Variants in GNA14 observed in about 807,000 individuals in gnomAD.
GNA14 encodes the protein guanine nucleotide-binding protein subunit alpha-14.
A neutral mutation model predicts 42.0 loss-of-function variants in GNA14; 50 were observed. The ratio of observed to expected loss-of-function variants is 1.19; its 90% confidence interval spans 0.95 to 1.51. GNA14 has a LOEUF of 1.51. Among genes scored for constraint, GNA14 ranks in the 40% most tolerant of loss-of-function variants. GNA14 has a pLI of 0.00. For synonymous variants in GNA14, 173 were observed against 163.1 expected (o/e 1.06, Z -0.46); for missense variants, 473 against 446.2 (o/e 1.06, Z -0.54).
intron 2 of GNA14, among the ~76,000 whole-genome samples, chr9:77,498,996 T>C (rs1836921052): frequency 6.6e-6 from 1 of 152,206 alleles, no homozygotes; most frequent in African/African-American, 2.4e-5. Context: ...TGGAATTTTC[T>C]GACACTTGGC....
chr9:77,476,623 G>A (rs1032887756), intron 2 of GNA14, among the ~76,000 whole-genome samples: 14 of 152,196 alleles, frequency 9.2e-5, no homozygotes, highest in African/African-American at 3.4e-4. Context: ...TCTCCTGAAG[G>A]CTTAATAAAA....
At chr9:77,431,838 C>T (rs116317847) in intron 3 of GNA14, 1,892 of 181,104 alleles carry the variant, frequency 0.01, 42 homozygotes, top group African/African-American at 0.042. Flanking sequence ...TCCCACTCAC[C>T]CTTGTCCAAG....
At chr9:77,500,696 T>C (rs529207907) in intron 2 of GNA14, among the ~76,000 whole-genome samples, 2 of 152,350 alleles carry the variant, frequency 1.3e-5, no homozygotes, top group Admixed American at 6.5e-5. Flanking sequence ...AATGAAATCA[T>C]ATAGTATGTA....
intron 1 of GNA14, among the ~76,000 whole-genome samples, chr9:77,617,174 G>C (rs1012162365): frequency 6.6e-6 from 1 of 152,078 alleles, no homozygotes; most frequent in Non-Finnish European, 1.5e-5. Context: ...TCGGCCTCTA[G>C]CCACAATGTG....
Position 77,431,454 on chromosome 9 carries a change from A to G in GNA14, c.465-5T>C, listed in dbSNP as rs763308392. ...CGGTCAATGTCAGTCAGGTAACTGT[A>G]TATTAGAGAACGAGGAACTGACTCT... On this transcript the variant is annotated splice_polypyrimidine_tract_variant and splice_region_variant and intron_variant, in intron 3 of 6. Coordinates refer to ENST00000341700, the MANE Select transcript of GNA14 (RefSeq NM_004297.4). The G allele has an allele frequency of 2.9e-5, 47 of 1,599,720 alleles. No homozygotes were observed. Among genetic ancestry groups the G allele is most frequent in the Non-Finnish European group, 3.8e-5 (44 of 1,169,592 alleles).
chr9:77,433,738 G>A (rs1233943706), intron 3 of GNA14, among the ~76,000 whole-genome samples: 1 of 152,168 alleles, frequency 6.6e-6, no homozygotes, highest in Admixed American at 6.5e-5. Flanking sequence ...TACCTTCAAG[G>A]ATTAATGAAT....
chr9:77,448,052 C>CT (rs1260364014), intron 2 of GNA14, among the ~76,000 whole-genome samples: 2 of 152,208 alleles, frequency 1.3e-5, no homozygotes. Flanking sequence ...TAAACTGCAG[C>CT]TGATGGGCCA....
At chr9:77,478,033 T>TC (rs1340715001) in intron 2 of GNA14, among the ~76,000 whole-genome samples, 2 of 151,276 alleles carry the variant, frequency 1.3e-5, no homozygotes, top group African/African-American at 4.9e-5. Context: ...AAGGTGTCTT[T>TC]TTTTTTTTTA....
intron 2 of GNA14, among the ~76,000 whole-genome samples, chr9:77,458,906 G>GGT (rs1347539059): frequency 8.8e-6 from 1 of 113,014 alleles, no homozygotes; most frequent in Non-Finnish European, 2.0e-5. Flanking sequence ...CAAGCTGGAG[G>GGT]GGGGGGGGTT....
intron 1 of GNA14, among the ~76,000 whole-genome samples, chr9:77,566,896 A>G (rs769486354): frequency 2.0e-5 from 3 of 152,140 alleles, no homozygotes; most frequent in Non-Finnish European, 2.9e-5. Context: ...GTGAACTTCA[A>G]TAGTCTCAAA....
intron 2 of GNA14, among the ~76,000 whole-genome samples, chr9:77,452,444 A>G (rs958526862): frequency 6.6e-6 from 1 of 151,932 alleles, no homozygotes; most frequent in Non-Finnish European, 1.5e-5. Flanking sequence ...CTACTCTACA[A>G]AACGTGGTAC....
chr9:77,634,452 A>AT (rs1824148644), intron 1 of GNA14, among the ~76,000 whole-genome samples: 1 of 149,012 alleles, frequency 6.7e-6, no homozygotes, highest in Admixed American at 6.7e-5. Flanking sequence ...AGGAAGCGAA[A>AT]GGAAAGGAAA....
intron 2 of GNA14, among the ~76,000 whole-genome samples, chr9:77,449,970 A>G (rs1835878676): frequency 6.6e-6 from 1 of 152,104 alleles, no homozygotes; most frequent in African/African-American, 2.4e-5. Context: ...CTTAGAAACA[A>G]AGAGAACATG....
chr9:77,431,524 A>AC lies in GNA14; in HGVS notation c.465-76dup, dbSNP rs1011300396. 10 of 1,378,038 alleles carry AC rather than the reference A, an allele frequency of 7.3e-6. No homozygotes were observed. The African/African-American group carries it at 9.9e-5, about 14-fold the overall frequency. The allele number at this position is 1,378,038 out of a possible 1,614,324, so 85.4% of individuals were successfully genotyped here. ...ATGTCCATCCTACTCAAAGGAAGTC[A>AC]CCCCCCACTCACAGTGAGCCCCACA... On this transcript the variant is annotated intron_variant, in intron 3 of 6. Coordinates refer to ENST00000341700, the MANE Select transcript of GNA14 (RefSeq NM_004297.4).
chr9:77,525,740 G>A (rs750254156), intron 2 of GNA14, among the ~76,000 whole-genome samples: 40 of 151,298 alleles, frequency 2.6e-4, no homozygotes, highest in Non-Finnish European at 4.3e-4. Flanking sequence ...GGGTTTCACC[G>A]CGTTAGCCAG....
At position 77,495,741 on chromosome 9, in the gene GNA14, T is replaced by C. The variant is rs187912984; in HGVS notation, c.309+33328A>G. ...CCTTCAGGAACCCTGAGAAATTCAC[T>C]ACACACATAGTTTACAGAAGGAAGC... On this transcript the variant is annotated intron_variant, in intron 2 of 6. Coordinates refer to ENST00000341700, the MANE Select transcript of GNA14 (RefSeq NM_004297.4). Among the ~76,000 whole-genome samples the C allele has an allele frequency of 3.8e-3, 586 of 152,318 alleles. 5 individuals are homozygous for C. The highest frequency in any genetic ancestry group is 6.8e-3 in the Middle Eastern group (2 of 294).
intron 2 of GNA14, among the ~76,000 whole-genome samples, chr9:77,516,932 T>C (rs1202663657): frequency 6.6e-6 from 1 of 152,104 alleles, no homozygotes; most frequent in Non-Finnish European, 1.5e-5. Context: ...AAGAACAGGC[T>C]CTTGATTTCC....
rs150824912 is a variant in GNA14, at chr9:77,430,532, T to A, written c.593+789A>T. On this transcript the variant is annotated intron_variant, in intron 4 of 6. Transcript: ENST00000341700. ...GATATGCTAATATAGATGGGGGACA[T>A]GTTTGAGGGGCTGGACCTGAGGGCT... Among the ~76,000 whole-genome samples, 4 of 152,220 alleles carry A rather than the reference T, an allele frequency of 2.6e-5. No homozygotes were observed. The East Asian group carries it at 7.7e-4, about 29-fold the overall frequency.
chr9:77,577,910 C>T lies in GNA14; in HGVS notation c.125-48657G>A, dbSNP rs147430157. ...ATTACTGCAGTATGAAGATACTCAT[C>T]ATCAGAACCCACAGACAATAGGTCA... On this transcript the variant is annotated intron_variant, in intron 1 of 6. Coordinates refer to ENST00000341700, the MANE Select transcript of GNA14 (RefSeq NM_004297.4). Among the ~76,000 whole-genome samples the T allele has an allele frequency of 7.2e-4, 110 of 152,198 alleles. 1 individual carries two copies. In the East Asian group the frequency reaches 0.017, roughly 24 times the overall value.
Sources: gnomAD v4.1 joint callset for allele counts (sites outside exome capture counted in the v4.1 genomes callset) on GRCh38, gnomAD v4.1.1 for gene constraint, MANE v1.5 for transcripts, NCBI Gene and HGNC (gene_info 2026-07-23, HGNC 2026-07-21) for gene names.